INO80: variants seen among roughly 807,000 people sequenced by gnomAD.
INO80 encodes the protein chromatin-remodeling ATPase INO80.
In INO80, 20 loss-of-function variants were observed where a neutral mutation model predicts 203.4. The ratio of observed to expected loss-of-function variants is 0.10; its 90% confidence interval spans 0.07 to 0.14. The LOEUF (loss-of-function observed/expected upper bound fraction) is 0.14. Ranked by LOEUF, INO80 falls within the 10% of genes least tolerant of loss-of-function variation. The probability of loss-of-function intolerance (pLI) is 1.00; values close to 1 mark genes in which losing one functional copy is unlikely to be tolerated. For missense variants in INO80, 1,419 were observed against 1,914.4 expected (o/e 0.74, Z 4.83); for synonymous variants, 726 against 685.2 (o/e 1.06, Z -0.93).
intron 28 of INO80, among the ~76,000 whole-genome samples, chr15:40,998,714 C>T (rs532287773): frequency 5.9e-5 from 9 of 151,594 alleles, no homozygotes; most frequent in Non-Finnish European, 1.0e-4. Flanking sequence ...AGTGCAGTGG[C>T]ACGATCTCGG....
chr15:41,109,828 A>C (rs1050917755), intron 1 of INO80, among the ~76,000 whole-genome samples: 4 of 151,870 alleles, frequency 2.6e-5, no homozygotes, highest in Non-Finnish European at 4.4e-5. Context: ...GCTACTCAGG[A>C]GGCTGAGGCA....
At chr15:41,089,056 G>A (rs1285860844) in intron 5 of INO80, among the ~76,000 whole-genome samples, 1 of 152,172 alleles carries the variant, frequency 6.6e-6, no homozygotes, top group Non-Finnish European at 1.5e-5. Flanking sequence ...CAGGCATGGT[G>A]GCAGGCTTCT....
intron 14 of INO80, among the ~76,000 whole-genome samples, chr15:41,068,919 T>C (rs2045267160): frequency 6.6e-6 from 1 of 152,084 alleles, no homozygotes; most frequent in African/African-American, 2.4e-5. Flanking sequence ...TTACAATAGA[T>C]TTAAATGAAA....
At chr15:41,030,243 T>A (rs2044438603) in intron 24 of INO80, among the ~76,000 whole-genome samples, 1 of 152,220 alleles carries the variant, frequency 6.6e-6, no homozygotes, top group Admixed American at 6.6e-5. Context: ...AAGAAAAGAA[T>A]ACAACTCACC....
At chr15:41,024,785 T>C (rs189611710) in intron 25 of INO80, 1 of 152,298 alleles carries the variant, frequency 6.6e-6, no homozygotes, top group African/African-American at 2.4e-5. Flanking sequence ...TCAGAGAAAT[T>C]AATTTGCCTA....
chr15:40,979,570 G>C lies in INO80; in HGVS notation c.*653C>G, dbSNP rs1893738082. The C allele has an allele frequency of 6.5e-6, 1 of 153,440 alleles. No individual in the cohort carries two copies. The allele number at this position is 153,440 out of a possible 1,614,324, so 9.5% of individuals were successfully genotyped here. A position where few individuals can be genotyped will look rare whatever the true frequency, so the allele number is the denominator to read the frequency against. ...GTGGAAGGTGCTACGGTTGCTGGTAGGATCTGAAGGTTCTCTTGGTGTGAA... is the reference window on the plus strand; with the variant it reads ...GTGGAAGGTGCTACGGTTGCTGGTACGATCTGAAGGTTCTCTTGGTGTGAA... On this transcript the variant is annotated 3_prime_UTR_variant, in exon 36 of 36. Transcript: ENST00000648947.
At position 40,987,248 on chromosome 15, in the gene INO80, A is replaced by T. The variant is rs908929169; in HGVS notation, c.3730-55T>A. The T allele has an allele frequency of 4.7e-6, 5 of 1,061,088 alleles. No homozygotes were observed. The Admixed American group carries it at 8.8e-5, about 19-fold the overall frequency. The allele number at this position is 1,061,088 out of a possible 1,614,324, so 65.7% of individuals were successfully genotyped here. ...CCAGGCATCCATTCCCTTATGGCAA[A>T]TATCCAGAAAAAGATACACATCGTT... On this transcript the variant is annotated intron_variant, in intron 30 of 35. Transcript: ENST00000648947.
intron 28 of INO80, among the ~76,000 whole-genome samples, chr15:41,003,049 G>A (rs997574260): frequency 2.6e-5 from 4 of 152,012 alleles, no homozygotes; most frequent in African/African-American, 9.7e-5. Context: ...GAACCCAGGA[G>A]GTGGAGGTTG....
chr15:41,005,198 CACAAA>C, intron 28 of INO80: 2 of 16,782 alleles, frequency 1.2e-4, no homozygotes, highest in Non-Finnish European at 3.5e-4. Flanking sequence ...GTCTCACACA[CACAAA>C]AAAAAAAAAA....
chr15:41,109,456 T>C lies in INO80; in HGVS notation c.-44+6517A>G, dbSNP rs534860905. 8.0e-4 allele frequency among the ~76,000 whole-genome samples: 120 copies of C among 150,000 alleles called. 1 individual carries two copies. The highest frequency in any genetic ancestry group is 2.8e-3 in the African/African-American group (114 of 40,760). On this transcript the variant is annotated intron_variant, in intron 1 of 35. Coordinates refer to ENST00000648947, the MANE Select transcript of INO80 (RefSeq NM_017553.3). The stretch of plus-strand genomic sequence containing the variant: ...ACAGAGTAAGGCACTTCAAAAAAAG[T>C]ACTAATGAGTAATTGGCCACTGCCG...
intron 1 of INO80, among the ~76,000 whole-genome samples, chr15:41,114,015 T>C (rs1204243584): frequency 1.3e-5 from 2 of 152,206 alleles, no homozygotes. Context: ...ACGCCTGTAA[T>C]CTCAGCACTT....
chr15:41,102,232 G>T (rs2045820497), intron 1 of INO80, among the ~76,000 whole-genome samples: 1 of 151,960 alleles, frequency 6.6e-6, no homozygotes, highest in Admixed American at 6.6e-5. Flanking sequence ...ACTTATTATG[G>T]GTTCATGCCC....
chr15:40,989,596 C>T (rs921950006), intron 29 of INO80, among the ~76,000 whole-genome samples: 1 of 152,198 alleles, frequency 6.6e-6, no homozygotes, highest in Admixed American at 6.5e-5. Context: ...CACTCTGTTA[C>T]ATCAGCAGGA....
intron 26 of INO80, among the ~76,000 whole-genome samples, chr15:41,020,037 T>C (rs949668329): frequency 5.3e-5 from 8 of 151,944 alleles, no homozygotes; most frequent in South Asian, 2.1e-4. Context: ...CTGGCTAACA[T>C]AGTGAAACCC....
At chr15:41,105,584 T>A (rs1030399075) in intron 1 of INO80, among the ~76,000 whole-genome samples, 1 of 152,198 alleles carries the variant, frequency 6.6e-6, no homozygotes, top group Non-Finnish European at 1.5e-5. Context: ...ACTCCAAGCA[T>A]GAAGTACTTC....
At position 41,111,514 on chromosome 15, in the gene INO80, T is replaced by A. The variant is rs191217543; in HGVS notation, c.-44+4459A>T. On this transcript the variant is annotated intron_variant, in intron 1 of 35. Coordinates refer to ENST00000648947, the MANE Select transcript of INO80 (RefSeq NM_017553.3). ...CTTAACCATCTTATTCACTAAGAAG[T>A]TTCAAAAACAGGCCACACAGTGGCT... is the stretch of plus-strand genomic sequence containing the variant. 4.6e-5 allele frequency among the ~76,000 whole-genome samples: 7 copies of A among 151,816 alleles called. No individual in the cohort carries two copies. In the East Asian group the frequency reaches 1.2e-3, roughly 25 times the overall value.
chr15:41,046,206 C>CAT (rs1160486459), intron 23 of INO80, among the ~76,000 whole-genome samples: 4 of 14,420 alleles, frequency 2.8e-4, no homozygotes, highest in African/African-American at 4.5e-4. Context: ...CGTATACATA[C>CAT]ATATATATAT....
At chr15:41,064,587 C>T (rs1361837048) in intron 14 of INO80, among the ~76,000 whole-genome samples, 1 of 152,106 alleles carries the variant, frequency 6.6e-6, no homozygotes, top group East Asian at 1.9e-4. Context: ...GTATATATGA[C>T]ACATCAAACC....
intron 9 of INO80, among the ~76,000 whole-genome samples, chr15:41,077,191 GCCACC>G (rs2045416644): frequency 6.7e-6 from 1 of 149,552 alleles, no homozygotes; most frequent in Admixed American, 6.7e-5. Context: ...ACAAGCGTGA[GCCACC>G]GCGCCCAGCC....
Sources: allele counts gnomAD v4.1 joint callset (sites outside exome capture counted in the v4.1 genomes callset), GRCh38; gene constraint gnomAD v4.1.1; transcripts MANE v1.5; gene names NCBI Gene and HGNC (gene_info 2026-07-23, HGNC 2026-07-21).